Variants in DTYMK observed in about 807,000 individuals in gnomAD.
DTYMK encodes deoxythymidylate kinase.
DTYMK carries 20 observed loss-of-function variants against 20.3 expected under a neutral mutation model. The ratio of observed to expected loss-of-function variants is 0.99; its 90% confidence interval spans 0.69 to 1.43. DTYMK has a LOEUF of 1.43. Among genes scored for constraint, DTYMK ranks in the 40% most tolerant of loss-of-function variants. The pLI, the probability that DTYMK is intolerant of heterozygous loss-of-function variation, is 0.00. For missense variants in DTYMK, 320 were observed against 291.1 expected (o/e 1.10, Z -0.72); for synonymous variants, 148 against 124.4 (o/e 1.19, Z -1.27).
chr2:241,686,698 G>A lies in DTYMK; in HGVS notation c.86C>T (p.Ala29Val), dbSNP rs753218438. 29 of 1,539,266 alleles carry A rather than the reference G, an allele frequency of 1.9e-5. No homozygotes were observed. The highest frequency in any genetic ancestry group is 2.5e-5 in the Non-Finnish European group (29 of 1,154,820). Residue 29 changes from alanine to valine, a missense_variant, in exon 1 of 5, where the codon GCG becomes GTG. Physicochemically the swap from Ala to Val is moderately conservative, Grantham distance 64. Coordinates refer to ENST00000305784, the MANE Select transcript of DTYMK (RefSeq NM_012145.4). ...GGCGCGGTGGCCCGCGGCGCACAGC[G>A]CTTCCACCAGCTTGCGGCTCTGCGT... ...KSTQSRKLVE[A>V]LCAAGHRAEL... is the part of the protein sequence containing the mutation.
chr2:241,680,400 T>C, intron 2 of DTYMK, 81 bp from the exon 3 acceptor site: 1 of 1,489,300 alleles, frequency 6.7e-7, no homozygotes. Context: ...CAACAGGCTG[T>C]GCGCAGTGGC....
At chr2:241,681,955 G>GATCACTTGAACCCAGGAGT (rs1414354908) in intron 2 of DTYMK, 1 of 268,472 alleles carries the variant, frequency 3.7e-6, no homozygotes, top group Non-Finnish European at 7.4e-6. Flanking sequence ...GAGGCAGGAG[G>GATCACTTGAACCCAGGAGT]ATCACTTGAA....
Position 241,680,225 on chromosome 2 carries a change from T to G in DTYMK, c.330+4A>C. ...CGCCTGACAGGAGGCCAAGTGGCAC[T>G]CACCTCCTTGGCACCGGTGAAGGCC... On this transcript the variant is annotated splice_donor_region_variant and intron_variant, in intron 3 of 4. Transcript: ENST00000305784. 4 of 1,614,036 alleles carry G rather than the reference T, an allele frequency of 2.5e-6. No individual in the cohort carries two copies. Among genetic ancestry groups the G allele is most frequent in the Non-Finnish European group, 3.4e-6 (4 of 1,179,946 alleles).
In DTYMK at chr2:241,686,706, C is replaced by A; in HGVS notation, c.78G>T (p.Leu26=). The change falls in exon 1 of 5, where the codon CTG becomes CTT. Residue 26 remains leucine (L), a synonymous_variant. Transcript: ENST00000305784. ...GGCCCGCGGCGCACAGCGCTTCCAC[C>A]AGCTTGCGGCTCTGCGTGCTCTTCC... ...RAGKSTQSRK[L]VEALCAAGHR... 1.3e-6 allele frequency: 2 copies of A among 1,543,102 alleles called. No homozygotes were observed. Among genetic ancestry groups the A allele is most frequent in the Non-Finnish European group, 1.7e-6 (2 of 1,157,100 alleles).
At chr2:241,678,763 CTG>C (rs1406084178) in intron 3 of DTYMK, 114 bp from the exon 4 acceptor site, 1 of 1,171,466 alleles carries the variant, frequency 8.5e-7, no homozygotes, top group Non-Finnish European at 1.2e-6. Context: ...AGATGTGAGA[CTG>C]TTTATATTGT....
intron 2 of DTYMK, among the ~76,000 whole-genome samples, chr2:241,684,410 G>A (rs1009998740): frequency 1.3e-5 from 2 of 152,158 alleles, no homozygotes; most frequent in Non-Finnish European, 2.9e-5. Context: ...AAGACACAAA[G>A]CTAAGCCGGA....
intron 2 of DTYMK, among the ~76,000 whole-genome samples, chr2:241,683,206 CAAT>C (rs1303997508): frequency 3.9e-5 from 6 of 152,312 alleles, no homozygotes; most frequent in Non-Finnish European, 5.9e-5. Flanking sequence ...CAAACTAGAA[CAAT>C]GAGATGCCAC....
chr2:241,678,699 G>A (rs200649251), intron 3 of DTYMK, 50 bp from the exon 4 acceptor site: 168 of 1,592,368 alleles, frequency 1.1e-4, no homozygotes, highest in Middle Eastern at 1.7e-4. Context: ...CTAGGTTTTT[G>A]TTTCGAAAGT....
intron 2 of DTYMK, chr2:241,684,845 CAT>C (rs2124830103): frequency 2.3e-6 from 1 of 426,644 alleles, no homozygotes; most frequent in Admixed American, 3.0e-5. Flanking sequence ...ACAAATGTAA[CAT>C]AACACAGCAC....
At chr2:241,682,276 G>GGCTGCAGTAAGCTGTGATTGCGC in intron 2 of DTYMK, 1 of 454,058 alleles carries the variant, frequency 2.2e-6, no homozygotes, top group Non-Finnish European at 4.4e-6. Context: ...GGGAGGTCGA[G>GGCTGCAGTAAGCTGTGATTGCGC]GCTGCAGTAA....
intron 1 of DTYMK, among the ~76,000 whole-genome samples, chr2:241,686,085 A>T (rs2069389597): frequency 6.6e-6 from 1 of 152,220 alleles, no homozygotes; most frequent in Non-Finnish European, 1.5e-5. Context: ...GGGATGAAAA[A>T]TGCTTTAGGA....
At chr2:241,682,516 A>G (rs749328688) in intron 2 of DTYMK, among the ~76,000 whole-genome samples, 1 of 152,230 alleles carries the variant, frequency 6.6e-6, no homozygotes, top group African/African-American at 2.4e-5. Flanking sequence ...GGCTGGGCGT[A>G]ATGGCTCATG....
chr2:241,678,510 T>C lies in DTYMK; in HGVS notation c.470A>G (p.Gln157Arg). 1 of 1,614,176 alleles carries C rather than the reference T, an allele frequency of 6.2e-7. No homozygotes were observed. Among genetic ancestry groups the C allele is most frequent in the East Asian group, 2.2e-5 (1 of 44,882 alleles). The change falls in exon 4 of 5, where the codon CAG (glutamine) becomes CGG (arginine). Residue 157 changes from glutamine to arginine, a missense_variant. Physicochemically the swap from Gln to Arg is conservative, Grantham distance 43. Transcript: ENST00000305784. Reference protein sequence around the residue: ...GHERYENGAFQERALRCFHQL... With the variant: ...GHERYENGAFRERALRCFHQL... ...GTGGAAACACCGGAGCGCCCGCTCC[T>C]GGAAAGCCCCGTTCTCATAGCGCTC...
At chr2:241,678,704 G>T (rs1559284108) in intron 3 of DTYMK, 55 bp from the exon 4 acceptor site, 1 of 1,587,432 alleles carries the variant, frequency 6.3e-7, no homozygotes, top group Non-Finnish European at 8.6e-7. Context: ...TTTTTGTTTC[G>T]AAAGTCGTAA....
intron 3 of DTYMK, 126 bp from the exon 4 acceptor site, chr2:241,678,775 T>A: frequency 9.1e-7 from 1 of 1,096,530 alleles, no homozygotes; most frequent in Non-Finnish European, 1.3e-6. Flanking sequence ...GTTTATATTG[T>A]GGCTCGTTTA....
At chr2:241,686,428 G>C (rs1028996099) in intron 1 of DTYMK, among the ~76,000 whole-genome samples, 2 of 152,108 alleles carry the variant, frequency 1.3e-5, no homozygotes, top group African/African-American at 2.4e-5. Flanking sequence ...CGGCTACCCG[G>C]GAGGCTGAGG....
At chr2:241,684,475 C>G (rs2069332405) in intron 2 of DTYMK, among the ~76,000 whole-genome samples, 1 of 152,170 alleles carries the variant, frequency 6.6e-6, no homozygotes, top group African/African-American at 2.4e-5. Context: ...ACTGAAGATT[C>G]ACCAGCAGGG....
At position 241,680,289 on chromosome 2, in the gene DTYMK, G is replaced by A. The variant is rs2069213511; in HGVS notation, c.270C>T (p.Gly90=). The part of the protein sequence containing the change: ...VPLIKEKLSQ[G]VTLVVDRYAF... ...CGTATCTGTCCACGACGAGGGTCACGCCCTGGCTCAACTTTTCCTTAATTA... is the reference window on the plus strand; with the variant it reads ...CGTATCTGTCCACGACGAGGGTCACACCCTGGCTCAACTTTTCCTTAATTA... Residue 90 remains glycine (G), a synonymous_variant, in exon 3 of 5, where the codon GGC becomes GGT. Transcript: ENST00000305784. 5.6e-6 allele frequency: 9 copies of A among 1,614,046 alleles called. No individual in the cohort carries two copies. The highest frequency in any genetic ancestry group is 1.7e-5 in the Admixed American group (1 of 59,992).
chr2:241,677,742 T>C (rs4076644), intron 4 of DTYMK, among the ~76,000 whole-genome samples: 97,422 of 152,100 alleles, frequency 0.64, 31,301 homozygotes, highest in Middle Eastern at 0.72. Flanking sequence ...ACTGCTGAGA[T>C]TGAAGGAGGC....
Sources: allele counts gnomAD v4.1 joint callset (sites outside exome capture counted in the v4.1 genomes callset), GRCh38; gene constraint gnomAD v4.1.1; transcripts MANE v1.5; gene names NCBI Gene and HGNC (gene_info 2026-07-23, HGNC 2026-07-21).